Variants in ETV6 observed in about 807,000 individuals in gnomAD.
ETV6 encodes the protein ETS variant transcription factor 6.
Under a neutral mutation model 51.1 loss-of-function variants are expected in ETV6, and 16 were observed. That is an observed-to-expected ratio of 0.31 (90% CI 0.21 to 0.48). The LOEUF (loss-of-function observed/expected upper bound fraction) is 0.48, where lower values mean the gene tolerates loss of function less well. Among genes scored for constraint, ETV6 ranks in the 20% least tolerant of loss-of-function variants. ETV6 has a pLI of 0.99. For missense variants in ETV6, 458 were observed against 594.8 expected, an observed-to-expected ratio of 0.77 and a Z score of 2.39; for synonymous variants, 240 against 224.1, an observed-to-expected ratio of 1.07 and a Z score of -0.64.
At chr12:11,791,175 T>G (rs937576482) in intron 2 of ETV6, among the ~76,000 whole-genome samples, 6 of 152,154 alleles carry the variant, frequency 3.9e-5, no homozygotes, top group African/African-American at 1.4e-4. Flanking sequence ...TTACCACCGG[T>G]TCTTCTGCTT....
chr12:11,786,948 G>A (rs774019860), intron 2 of ETV6, among the ~76,000 whole-genome samples: 8 of 152,042 alleles, frequency 5.3e-5, no homozygotes, highest in Non-Finnish European at 1.2e-4. Context: ...TGATACTGTT[G>A]CCAGTGATCA....
chr12:11,810,720 A>G (rs1945900356), intron 2 of ETV6, among the ~76,000 whole-genome samples: 3 of 152,214 alleles, frequency 2.0e-5, no homozygotes, highest in African/African-American at 7.2e-5. Context: ...TCCATCTTTA[A>G]TAATAACTAC....
At chr12:11,713,811 A>G (rs1490036047) in intron 1 of ETV6, among the ~76,000 whole-genome samples, 1 of 152,180 alleles carries the variant, frequency 6.6e-6, no homozygotes, top group Non-Finnish European at 1.5e-5. Flanking sequence ...TGGGAGTTTA[A>G]AAAAATCCTC....
intron 1 of ETV6, among the ~76,000 whole-genome samples, chr12:11,697,900 G>A (rs1206563070): frequency 1.3e-5 from 2 of 152,040 alleles, no homozygotes; most frequent in African/African-American, 4.8e-5. Flanking sequence ...TGCCCATAAG[G>A]TAATGCAATT....
At chr12:11,875,123 A>G (rs1369888057) in intron 5 of ETV6, among the ~76,000 whole-genome samples, 1 of 152,206 alleles carries the variant, frequency 6.6e-6, no homozygotes, top group Non-Finnish European at 1.5e-5. Context: ...CAAGAAAGGA[A>G]ATTCAGTAGG....
intron 2 of ETV6, among the ~76,000 whole-genome samples, chr12:11,820,152 G>A (rs1423089096): frequency 6.6e-6 from 1 of 152,210 alleles, no homozygotes; most frequent in African/African-American, 2.4e-5. Context: ...GGCACAGAAA[G>A]GTAAGGCACC....
chr12:11,695,459 C>G (rs1236295726), intron 1 of ETV6, among the ~76,000 whole-genome samples: 1 of 152,176 alleles, frequency 6.6e-6, no homozygotes, highest in Non-Finnish European at 1.5e-5. Flanking sequence ...CCTGGGTCCT[C>G]CAGCTGAAGT....
In ETV6 at chr12:11,891,324, C is replaced by T. The variant is rs921561052; in HGVS notation, c.*278C>T. 2 of 409,478 alleles carry T rather than the reference C, an allele frequency of 4.9e-6. No individual in the cohort carries two copies. Among genetic ancestry groups the T allele is most frequent in the African/African-American group, 2.0e-5 (1 of 49,492 alleles). The allele number at this position is 409,478 out of a possible 1,614,324, so 25.4% of individuals were successfully genotyped here. On this transcript the variant is annotated 3_prime_UTR_variant, in exon 8 of 8. Coordinates refer to ENST00000396373, the MANE Select transcript of ETV6 (RefSeq NM_001987.5). ...GAATCTCTCCATCTGTAATTCCTCA[C>T]CCTCACCCTTCCACCGTTGTTAGTA...
intron 2 of ETV6, among the ~76,000 whole-genome samples, chr12:11,825,914 T>A (rs956539253): frequency 6.7e-6 from 1 of 150,320 alleles, no homozygotes; most frequent in African/African-American, 2.5e-5. Flanking sequence ...CATAGCTCAC[T>A]GCAGCCACTC....
chr12:11,703,701 A>G (rs1463476485), intron 1 of ETV6, among the ~76,000 whole-genome samples: 1 of 152,250 alleles, frequency 6.6e-6, no homozygotes, highest in African/African-American at 2.4e-5. Context: ...AGAGTCCCTT[A>G]TAACTAACTA....
intron 2 of ETV6, among the ~76,000 whole-genome samples, chr12:11,796,171 G>A (rs537907751): frequency 7.7e-6 from 1 of 129,176 alleles, no homozygotes; most frequent in Admixed American, 7.8e-5. Context: ...GTCCAGTCAA[G>A]CAGGAAAGTA....
In ETV6 at chr12:11,888,855, A is replaced by G. The variant is rs184755686; in HGVS notation, c.1254-2086A>G. ...TAGCTAGAGCGACTACAGGATTTAT[A>G]TTTTGAATACAGGTTGAGTATCCCT... is the stretch of plus-strand genomic sequence containing the variant. On this transcript the variant is annotated intron_variant, in intron 7 of 7. Transcript: ENST00000396373. 2.4e-3 allele frequency among the ~76,000 whole-genome samples: 363 copies of G among 152,202 alleles called. 1 individual carries two copies. The highest frequency in any genetic ancestry group is 8.3e-3 in the African/African-American group (345 of 41,524).
rs572858854 is a variant in ETV6, at chr12:11,833,567, A to G, written c.164-5573A>G. 2.6e-5 allele frequency among the ~76,000 whole-genome samples: 4 copies of G among 152,384 alleles called. No homozygotes were observed. The East Asian group carries it at 7.7e-4, about 29-fold the overall frequency. On this transcript the variant is annotated intron_variant, in intron 2 of 7. Transcript: ENST00000396373. ...TAGTTTTTAACGTGGGCTCGGAGCC[A>G]GGTCACCTGGATTCAAATGTCAGCT... is the stretch of plus-strand genomic sequence containing the variant.
rs377104477 is a variant in ETV6, at chr12:11,865,628, T to C, written c.464-3796T>C. On this transcript the variant is annotated intron_variant, in intron 4 of 7. Coordinates refer to ENST00000396373, the MANE Select transcript of ETV6 (RefSeq NM_001987.5). ...CGTAGGCTTATATATACTATGTAAGTATATACTTATATAGTATTAGTATAT... is the reference window on the plus strand; with the variant it reads ...CGTAGGCTTATATATACTATGTAAGCATATACTTATATAGTATTAGTATAT... Among the ~76,000 whole-genome samples, 44 of 148,448 alleles carry C rather than the reference T, an allele frequency of 3.0e-4. No individual in the cohort carries two copies. In the South Asian group the frequency reaches 5.2e-3, roughly 18 times the overall value.
chr12:11,839,437 A>T, intron 3 of ETV6, 133 bp downstream of exon 3: 1 of 899,560 alleles, frequency 1.1e-6, no homozygotes, highest in East Asian at 2.5e-5. Context: ...CGATGGAAGG[A>T]AGTTGAAGGA....
chr12:11,790,679 C>CTTTTT (rs5796466), intron 2 of ETV6, among the ~76,000 whole-genome samples: 1 of 100,368 alleles, frequency 1.0e-5, no homozygotes, highest in African/African-American at 3.4e-5. Context: ...AGAGGATAAA[C>CTTTTT]TTTTTTTTTT....
intron 1 of ETV6, among the ~76,000 whole-genome samples, chr12:11,747,328 C>T (rs1865926519): frequency 1.3e-5 from 2 of 152,158 alleles, no homozygotes; most frequent in African/African-American, 2.4e-5. Context: ...GCAGGGGGGA[C>T]ACTGGACACC....
At chr12:11,871,291 T>C (rs538445416) in intron 5 of ETV6, among the ~76,000 whole-genome samples, 1 of 151,020 alleles carries the variant, frequency 6.6e-6, no homozygotes, top group South Asian at 2.1e-4. Flanking sequence ...CGGGTTCACG[T>C]CATTCTCCTG....
rs368507223 is a variant in ETV6 at position 11,783,848 on chromosome 12, TTTTG to T, written c.163+31289_163+31292del. Among the ~76,000 whole-genome samples, 351 of 152,182 alleles carry T rather than the reference TTTTG, an allele frequency of 2.3e-3. 3 individuals carry two copies. The highest frequency in any genetic ancestry group is 0.012 in the South Asian group (57 of 4,822). On this transcript the variant is annotated intron_variant, in intron 2 of 7. Transcript: ENST00000396373. The stretch of plus-strand genomic sequence containing the variant: ...CCTTTTTGTTTGTGGTTGGTTGTTT[TTTTG>T]TTTGTTTGTTTGTTTGTTTTGCCTG...
Sources: gnomAD v4.1 joint callset for allele counts (sites outside exome capture counted in the v4.1 genomes callset) on GRCh38, gnomAD v4.1.1 for gene constraint, MANE v1.5 for transcripts, NCBI Gene and HGNC (gene_info 2026-07-23, HGNC 2026-07-21) for gene names.